The following TMPRSS15 variants were observed in gnomAD, a reference collection of about 807,000 sequenced individuals.
TMPRSS15 encodes the protein transmembrane serine protease 15.
A neutral mutation model predicts 125.3 loss-of-function variants in TMPRSS15; 128 were observed. The ratio of observed to expected loss-of-function variants is 1.02; its 90% CI spans 0.89 to 1.18. The LOEUF is 1.18. Among genes scored for constraint, TMPRSS15 ranks in the 50% most tolerant of loss-of-function variants. The pLI is 0.00. For missense variants in TMPRSS15, 1,283 were observed against 1,212.7 expected (o/e 1.06, Z -0.86); for synonymous variants, 446 against 423.2 (o/e 1.05, Z -0.66).
chr21:18,341,583 T>A, intron 12 of TMPRSS15, 35 bp from the exon 13 acceptor site: 1 of 1,611,366 alleles, frequency 6.2e-7, no homozygotes, highest in Non-Finnish European at 8.5e-7. Flanking sequence ...ACGATTTGAT[T>A]CCATTCTAAT....
intron 21 of TMPRSS15, among the ~76,000 whole-genome samples, chr21:18,289,404 C>T (rs920988815): frequency 2.6e-5 from 4 of 152,060 alleles, no homozygotes; most frequent in South Asian, 2.1e-4. Flanking sequence ...CCCAGCTACT[C>T]GGGAGGCTGA....
At chr21:18,316,793 C>A (rs371661918) in intron 16 of TMPRSS15, among the ~76,000 whole-genome samples, 12 of 152,200 alleles carry the variant, frequency 7.9e-5, no homozygotes, top group African/African-American at 2.9e-4. Context: ...TCTGGGAGAG[C>A]CCTCATATCA....
chr21:18,304,529 A>ATCTTTATTTTTAC (rs2075009072), intron 18 of TMPRSS15, among the ~76,000 whole-genome samples: 1 of 152,188 alleles, frequency 6.6e-6, no homozygotes, highest in South Asian at 2.1e-4. Context: ...TGGCAAAGAA[A>ATCTTTATTTTTAC]TAATTACATC....
At chr21:18,392,077 C>T (rs1055978148) in intron 3 of TMPRSS15, among the ~76,000 whole-genome samples, 97 of 152,302 alleles carry the variant, frequency 6.4e-4, no homozygotes, top group African/African-American at 2.2e-3. Context: ...ATTTTTCCTC[C>T]TAGGCCTCCA....
chr21:18,446,401 C>A (rs1450817543), intron 1 of TMPRSS15, among the ~76,000 whole-genome samples: 4 of 152,088 alleles, frequency 2.6e-5, no homozygotes, highest in African/African-American at 9.7e-5. Flanking sequence ...AGATTCAATG[C>A]AATCCCTATC....
chr21:18,419,264 T>C lies in TMPRSS15; in HGVS notation c.11-20935A>G, dbSNP rs568955621. 2.1e-3 allele frequency among the ~76,000 whole-genome samples: 299 copies of C among 144,456 alleles called. 4 individuals carry two copies. In the South Asian group the frequency reaches 0.034, roughly 17 times the overall value. 94.8% of individuals were successfully genotyped at this position (144,456 alleles called of 152,430 possible). A position where few individuals can be genotyped will look rare whatever the true frequency, so the allele number is the denominator to read the frequency against. Reference sequence around the variant, plus strand: ...TTTTTGAGACGGAGTCTCGCTCTGTTACCCAGGCTGGAGTGCAGTGGTGCT... The same window carrying C: ...TTTTTGAGACGGAGTCTCGCTCTGTCACCCAGGCTGGAGTGCAGTGGTGCT... On this transcript the variant is annotated intron_variant, in intron 1 of 7. Transcript: ENST00000422787.
intron 14 of TMPRSS15, among the ~76,000 whole-genome samples, chr21:18,331,625 CA>C (rs1164218721): frequency 6.6e-6 from 1 of 152,036 alleles, no homozygotes; most frequent in African/African-American, 2.4e-5. Flanking sequence ...TGTATATTTG[CA>C]AAAAGTGTGA....
rs2075291956 is a variant in TMPRSS15, at chr21:18,326,464, T to C, written c.1889A>G (p.Asn630Ser). The C allele has an allele frequency of 6.2e-7, 1 of 1,614,000 alleles. No individual in the cohort carries two copies. Among genetic ancestry groups the C allele is most frequent in the African/African-American group, 1.3e-5 (1 of 74,914 alleles). ...CCCCAAGTGATAGCCAGTAGTAAAG[T>C]TTGCTTTAAACCCTCCTCTTGCCAA... ...DVLARGGFKANFTTGYHLGIP... is the reference protein window; with the variant it reads ...DVLARGGFKASFTTGYHLGIP... Residue 630 changes from asparagine to serine, a missense_variant, in exon 16 of 25, where the codon AAC becomes AGC. Transcript: ENST00000284885.
intron 10 of TMPRSS15, among the ~76,000 whole-genome samples, chr21:18,351,631 A>C (rs902877153): frequency 1.3e-5 from 2 of 152,160 alleles, no homozygotes; most frequent in Admixed American, 6.6e-5. Flanking sequence ...AAGTGTCCTG[A>C]GACCTCCCCA....
chr21:18,429,465 T>C (rs4818411), intron 1 of TMPRSS15, among the ~76,000 whole-genome samples: 126,667 of 152,110 alleles, frequency 0.83, 54,063 homozygotes, highest in East Asian at 0.99. Flanking sequence ...ATAATTCCCA[T>C]GTGCTGTGGG....
intron 1 of TMPRSS15, among the ~76,000 whole-genome samples, chr21:18,399,942 A>G (rs1387926201): frequency 6.6e-6 from 1 of 152,156 alleles, no homozygotes; most frequent in East Asian, 1.9e-4. Context: ...AATACATTCA[A>G]GCTGAGAGCC....
intron 6 of TMPRSS15, among the ~76,000 whole-genome samples, chr21:18,369,832 T>C (rs1331500030): frequency 6.6e-6 from 1 of 152,116 alleles, no homozygotes; most frequent in African/African-American, 2.4e-5. Flanking sequence ...AATCAATGAA[T>C]GAAGCAACTT....
chr21:18,469,396 A>AT (rs575111408), intron 1 of TMPRSS15, among the ~76,000 whole-genome samples: 4 of 151,990 alleles, frequency 2.6e-5, no homozygotes, highest in Admixed American at 6.6e-5. Flanking sequence ...TTCAGGCAAC[A>AT]TTTTTTTGTC....
chr21:18,299,820 C>T (rs1300009051), intron 18 of TMPRSS15, among the ~76,000 whole-genome samples: 2 of 152,130 alleles, frequency 1.3e-5, no homozygotes, highest in Admixed American at 6.6e-5. Flanking sequence ...CACTCGAGGC[C>T]GACTTAGCCA....
At chr21:18,316,039 AT>A (rs397838846) in intron 16 of TMPRSS15, among the ~76,000 whole-genome samples, 1 of 150,146 alleles carries the variant, frequency 6.7e-6, no homozygotes, top group Non-Finnish European at 1.5e-5. Context: ...ATATATATAT[AT>A]AAAATAATAA....
intron 1 of TMPRSS15, among the ~76,000 whole-genome samples, chr21:18,432,322 T>C (rs571582613): frequency 6.6e-6 from 1 of 152,284 alleles, no homozygotes; most frequent in South Asian, 2.1e-4. Flanking sequence ...ATTTATGTAA[T>C]ATTTAGTAAC....
intron 1 of TMPRSS15, among the ~76,000 whole-genome samples, chr21:18,471,156 T>G (rs1159999508): frequency 1.3e-5 from 2 of 152,060 alleles, no homozygotes; most frequent in Non-Finnish European, 2.9e-5. Flanking sequence ...CAGAACTGTA[T>G]TAAGGTTGCA....
intron 1 of TMPRSS15, among the ~76,000 whole-genome samples, chr21:18,464,429 G>T: frequency 6.7e-6 from 1 of 150,086 alleles, no homozygotes; most frequent in East Asian, 2.0e-4. Context: ...AATTGAAGGA[G>T]ATAGAGACAC....
intron 1 of TMPRSS15, among the ~76,000 whole-genome samples, chr21:18,403,032 G>C (rs1235841609): frequency 6.6e-6 from 1 of 152,106 alleles, no homozygotes; most frequent in Non-Finnish European, 1.5e-5. Context: ...ACTGATAAGA[G>C]AATGAAGATA....
Sources: gnomAD v4.1 joint callset for allele counts (sites outside exome capture counted in the v4.1 genomes callset) on GRCh38, gnomAD v4.1.1 for gene constraint, MANE v1.5 for transcripts, NCBI Gene and HGNC (gene_info 2026-07-23, HGNC 2026-07-21) for gene names.